The following CTNND2 variants were observed in gnomAD, a reference collection of about 807,000 sequenced individuals.
CTNND2 encodes the protein catenin delta 2.
A neutral mutation model predicts 144.4 loss-of-function variants in CTNND2; 22 were observed. That is an observed-to-expected ratio of 0.15 (90% CI 0.11 to 0.22). The LOEUF is 0.22. Among genes scored for constraint, CTNND2 ranks in the 10% least tolerant of loss-of-function variants. The probability of loss-of-function intolerance (pLI) is 1.00; values close to 1 mark genes in which losing one functional copy is unlikely to be tolerated. For missense variants in CTNND2, 1,353 were observed against 1,618.8 expected (o/e 0.84, Z 2.82); for synonymous variants, 751 against 695.6 (o/e 1.08, Z -1.25).
intron 3 of CTNND2, among the ~76,000 whole-genome samples, chr5:11,414,735 C>T (rs1761798635): frequency 1.3e-5 from 2 of 152,178 alleles, no homozygotes; most frequent in South Asian, 2.1e-4. Flanking sequence ...ATCTTTTCTG[C>T]TTCTCCACCT....
intron 1 of CTNND2, among the ~76,000 whole-genome samples, chr5:11,743,960 T>A (rs188232979): frequency 6.6e-6 from 1 of 152,266 alleles, no homozygotes; most frequent in Non-Finnish European, 1.5e-5. Context: ...GAGTTATTAT[T>A]CTTAGTGACA....
At position 11,018,567 on chromosome 5, in the gene CTNND2, C is replaced by T. The variant is rs114827150; in HGVS notation, c.3000-509G>A. On this transcript the variant is annotated intron_variant, in intron 17 of 21. Transcript: ENST00000304623. ...TTCTTGAAGAAAATTAAAAGTGCTA[C>T]CCCAGTGAACACACGAATAATAAGA... 2.0e-3 allele frequency among the ~76,000 whole-genome samples: 297 copies of T among 152,262 alleles called. 2 individuals are homozygous for T. Among genetic ancestry groups the T allele is most frequent in the African/African-American group, 6.7e-3 (279 of 41,532 alleles).
chr5:11,342,889 G>A (rs1216757027), intron 9 of CTNND2, among the ~76,000 whole-genome samples: 1 of 152,188 alleles, frequency 6.6e-6, no homozygotes, highest in Admixed American at 6.5e-5. Context: ...AATAGCTGGT[G>A]TAGTACCTAC....
At chr5:11,589,313 G>A (rs940351514) in intron 2 of CTNND2, among the ~76,000 whole-genome samples, 3 of 87,020 alleles carry the variant, frequency 3.4e-5, no homozygotes, top group African/African-American at 1.1e-4. Flanking sequence ...ACACACACAC[G>A]ACAACAACAA....
At chr5:11,304,891 G>A (rs758867731) in intron 9 of CTNND2, among the ~76,000 whole-genome samples, 1 of 152,222 alleles carries the variant, frequency 6.6e-6, no homozygotes, top group Non-Finnish European at 1.5e-5. Flanking sequence ...ATGCGGAAAA[G>A]AACCGAGTTT....
intron 12 of CTNND2, among the ~76,000 whole-genome samples, chr5:11,146,362 C>T (rs887424082): frequency 2.6e-5 from 4 of 152,176 alleles, no homozygotes; most frequent in African/African-American, 9.7e-5. Context: ...TGCTGACAGG[C>T]TGACCACAAG....
At chr5:11,550,679 G>A (rs922952003) in intron 3 of CTNND2, among the ~76,000 whole-genome samples, 5 of 152,176 alleles carry the variant, frequency 3.3e-5, no homozygotes, top group Non-Finnish European at 7.3e-5. Flanking sequence ...CTAATTAGGC[G>A]ACTTCTTCTC....
chr5:11,723,783 G>A (rs777302686), intron 2 of CTNND2, among the ~76,000 whole-genome samples: 2 of 152,168 alleles, frequency 1.3e-5, no homozygotes, highest in Non-Finnish European at 2.9e-5. Flanking sequence ...TGGGCCGGGC[G>A]TGGTGGCTCA....
intron 2 of CTNND2, among the ~76,000 whole-genome samples, chr5:11,570,552 T>G (rs1777480137): frequency 6.6e-6 from 1 of 152,190 alleles, no homozygotes; most frequent in African/African-American, 2.4e-5. Context: ...CCTTCAGGGT[T>G]TTGAGACAGT....
intron 16 of CTNND2, among the ~76,000 whole-genome samples, chr5:11,080,847 G>A (rs993821545): frequency 1.3e-5 from 2 of 152,126 alleles, no homozygotes; most frequent in African/African-American, 4.8e-5. Context: ...AGGCCGAGGT[G>A]GGTGGATTAC....
chr5:11,728,651 T>C (rs911444601), intron 2 of CTNND2, among the ~76,000 whole-genome samples: 2 of 152,142 alleles, frequency 1.3e-5, no homozygotes, highest in Non-Finnish European at 2.9e-5. Flanking sequence ...TTTATAATGA[T>C]TGTGAAACTA....
chr5:11,512,534 G>A (rs1486394036), intron 3 of CTNND2, among the ~76,000 whole-genome samples: 3 of 152,300 alleles, frequency 2.0e-5, no homozygotes, highest in Admixed American at 1.3e-4. Flanking sequence ...ATGTATTTGT[G>A]CCAATATTAC....
chr5:11,027,946 C>A lies in CTNND2; in HGVS notation c.2789-4967G>T, dbSNP rs114725217. Among the ~76,000 whole-genome samples the A allele has an allele frequency of 7.9e-3, 1,203 of 152,300 alleles. 8 individuals carry two copies. Among genetic ancestry groups the A allele is most frequent in the South Asian group, 0.018 (88 of 4,830 alleles). On this transcript the variant is annotated intron_variant, in intron 16 of 21. Coordinates refer to ENST00000304623, the MANE Select transcript of CTNND2 (RefSeq NM_001332.4). ...TGTTTGTGACTTTCTGTTTCTATTT[C>A]TGAACTAAGCCTGTATTTGTTACTG...
intron 13 of CTNND2, among the ~76,000 whole-genome samples, chr5:11,114,970 G>A (rs1753399368): frequency 6.6e-6 from 1 of 150,748 alleles, no homozygotes; most frequent in Non-Finnish European, 1.5e-5. Context: ...CCTTTCAACA[G>A]CCTTGGCATT....
At chr5:11,485,267 A>T (rs1768687222) in intron 3 of CTNND2, among the ~76,000 whole-genome samples, 2 of 152,190 alleles carry the variant, frequency 1.3e-5, no homozygotes, top group African/African-American at 2.4e-5. Context: ...TGCAATCAGT[A>T]GAAAAAATCA....
chr5:11,579,309 T>C (rs567566629), intron 2 of CTNND2, among the ~76,000 whole-genome samples: 1 of 152,298 alleles, frequency 6.6e-6, no homozygotes. Flanking sequence ...TTGTATAAGT[T>C]GGAGCAAAAT....
At chr5:11,626,912 TTC>T (rs1217715430) in intron 2 of CTNND2, among the ~76,000 whole-genome samples, 3 of 152,218 alleles carry the variant, frequency 2.0e-5, no homozygotes, top group African/African-American at 7.2e-5. Flanking sequence ...TTCTTATTTC[TTC>T]TTTTTTTGGT....
At chr5:11,272,356 T>C (rs1746113897) in intron 9 of CTNND2, among the ~76,000 whole-genome samples, 2 of 152,216 alleles carry the variant, frequency 1.3e-5, no homozygotes, top group South Asian at 4.1e-4. Flanking sequence ...ATTCTTCCTG[T>C]GTCAGAGTCT....
At chr5:11,662,273 GTA>G (rs147318564) in intron 2 of CTNND2, among the ~76,000 whole-genome samples, 12,248 of 133,548 alleles carry the variant, frequency 0.092, 1,861 homozygotes, top group African/African-American at 0.31. Context: ...GTGTGTGTGT[GTA>G]TATATATATA....
Sources: allele counts gnomAD v4.1 joint callset (sites outside exome capture counted in the v4.1 genomes callset), GRCh38; gene constraint gnomAD v4.1.1; transcripts MANE v1.5; gene names NCBI Gene and HGNC (gene_info 2026-07-23, HGNC 2026-07-21).